Variants in THOC7 observed in about 807,000 individuals in gnomAD.
The protein encoded by THOC7 is THO complex subunit 7, also known as NIF3L1-binding protein 1.
THOC7 carries 22 observed loss-of-function variants against 33.1 expected under a neutral mutation model. That is an observed-to-expected ratio of 0.66 (90% CI 0.47 to 0.95). The LOEUF is 0.95. THOC7 is among the 40% of genes least tolerant of loss of function. THOC7 has a pLI of 0.00. For synonymous variants in THOC7, 77 were observed against 76.8 expected (o/e 1.00, Z -0.01); for missense variants, 184 against 245.3 (o/e 0.75, Z 1.67).
intron 1 of THOC7, among the ~76,000 whole-genome samples, chr3:63,857,253 CAT>C (rs1702132764): frequency 6.6e-6 from 1 of 152,116 alleles, no homozygotes; most frequent in Non-Finnish European, 1.5e-5. Context: ...AATTTACTGA[CAT>C]GTAGTACTTT....
chr3:63,837,819 A>G (rs1198547101), intron 4 of THOC7, among the ~76,000 whole-genome samples, 157 bp downstream of exon 4: 3 of 152,084 alleles, frequency 2.0e-5, no homozygotes, highest in Admixed American at 6.6e-5. Flanking sequence ...TTCCTTCTCT[A>G]TTTTAAAGAA....
At chr3:63,841,895 T>C (rs1472131917) in intron 1 of THOC7, among the ~76,000 whole-genome samples, 1 of 152,214 alleles carries the variant, frequency 6.6e-6, no homozygotes, top group Admixed American at 6.5e-5. Flanking sequence ...CCTTTGCTAG[T>C]CTTATCTGTG....
intron 1 of THOC7, among the ~76,000 whole-genome samples, chr3:63,861,309 T>C (rs1447460519): frequency 6.6e-6 from 1 of 152,118 alleles, no homozygotes; most frequent in African/African-American, 2.4e-5. Context: ...AGCCTGTTGC[T>C]CCTTTGGACA....
chr3:63,839,513 GA>G (rs1368013096), intron 2 of THOC7, 142 bp downstream of exon 2: 1 of 746,890 alleles, frequency 1.3e-6, no homozygotes, highest in Non-Finnish European at 2.3e-6. Flanking sequence ...AAAAGGCCAA[GA>G]AAATCTACTC....
chr3:63,837,306 A>G (rs1439239912), intron 4 of THOC7, among the ~76,000 whole-genome samples: 2 of 151,484 alleles, frequency 1.3e-5, no homozygotes, highest in African/African-American at 4.8e-5. Flanking sequence ...CTAGTTTTTC[A>G]TATCAATGTA....
chr3:63,836,431 T>C (rs530276753), intron 4 of THOC7, 73 bp from the exon 5 acceptor site: 1 of 1,379,426 alleles, frequency 7.2e-7, no homozygotes, highest in East Asian at 2.3e-5. Flanking sequence ...ATGTGTAATA[T>C]CACAAACCTC....
intron 1 of THOC7, chr3:63,848,687 T>C (rs987189221): frequency 1.3e-5 from 2 of 152,240 alleles, no homozygotes; most frequent in African/African-American, 2.4e-5. Context: ...TTTGTAAAAC[T>C]GCTAACCAAG....
intron 1 of THOC7, among the ~76,000 whole-genome samples, chr3:63,841,029 A>G (rs1701747102): frequency 6.6e-6 from 1 of 152,248 alleles, no homozygotes; most frequent in African/African-American, 2.4e-5. Context: ...AAACCTATTC[A>G]TCAGTAAGAA....
chr3:63,834,302 A>T, intron 7 of THOC7, 103 bp from the exon 8 acceptor site: 1 of 1,104,854 alleles, frequency 9.1e-7, no homozygotes, highest in South Asian at 1.4e-5. Flanking sequence ...CAATACAATT[A>T]AAGCTAAGAT....
At chr3:63,846,510 C>G (rs1701900669) in intron 1 of THOC7, among the ~76,000 whole-genome samples, 2 of 152,094 alleles carry the variant, frequency 1.3e-5, no homozygotes, top group Non-Finnish European at 2.9e-5. Context: ...TGGGTTCAAG[C>G]TATTCTCCTG....
At chr3:63,848,209 G>A (rs1462393861) in intron 1 of THOC7, among the ~76,000 whole-genome samples, 1 of 152,140 alleles carries the variant, frequency 6.6e-6, no homozygotes, top group Non-Finnish European at 1.5e-5. Flanking sequence ...CCTGATCCAG[G>A]AGAGATTAAG....
intron 1 of THOC7, among the ~76,000 whole-genome samples, chr3:63,852,748 A>C (rs552289946): frequency 6.6e-6 from 1 of 152,322 alleles, no homozygotes; most frequent in Non-Finnish European, 1.5e-5. Context: ...GGATGTACAA[A>C]CTGGATTGTA....
intron 1 of THOC7, among the ~76,000 whole-genome samples, chr3:63,856,889 T>C (rs1180127206): frequency 6.6e-6 from 1 of 152,132 alleles, no homozygotes; most frequent in Admixed American, 6.6e-5. Context: ...AGCTAATTCT[T>C]TTGTATTTTT....
chr3:63,853,165 A>G (rs979359389), intron 1 of THOC7, among the ~76,000 whole-genome samples: 13 of 151,630 alleles, frequency 8.6e-5, no homozygotes, highest in African/African-American at 2.7e-4. Flanking sequence ...AAGAAAAAAA[A>G]AAAAAAAAAA....
intron 1 of THOC7, chr3:63,848,544 A>C (rs1419573850): frequency 6.6e-6 from 1 of 152,206 alleles, no homozygotes; most frequent in Admixed American, 6.5e-5. Flanking sequence ...GCATAAAATC[A>C]GCTGTAATTC....
rs767026190 is a variant in THOC7 at position 63,835,132 on chromosome 3, C to T, written c.547+22G>A. On this transcript the variant is annotated intron_variant, in intron 7 of 7. Transcript: ENST00000295899. ...TTTAAAAAATCTTCATAAGCATTTACTTTGAGACTATTTCTACTTACTTTC... is the reference window on the plus strand; with the variant it reads ...TTTAAAAAATCTTCATAAGCATTTATTTTGAGACTATTTCTACTTACTTTC... 23 of 1,611,054 alleles carry T rather than the reference C, an allele frequency of 1.4e-5. No individual in the cohort carries two copies. In the South Asian group the frequency reaches 2.2e-4, roughly 15 times the overall value.
intron 1 of THOC7, among the ~76,000 whole-genome samples, chr3:63,849,331 C>T (rs1489482000): frequency 1.3e-5 from 2 of 152,066 alleles, no homozygotes; most frequent in African/African-American, 2.4e-5. Flanking sequence ...GAGGTTGCAG[C>T]GGGCCAAGAC....
At chr3:63,863,953 G>T (rs1447112601), upstream of THOC7, 3 of 83,824 alleles carry the variant, frequency 3.6e-5, no homozygotes, top group Non-Finnish European at 6.5e-5. Context: ...GCCGCGCCGC[G>T]CCGCCGCCGC....
intron 1 of THOC7, 151 bp downstream of exon 1, chr3:63,863,621 G>T: frequency 8.3e-7 from 1 of 1,199,400 alleles, no homozygotes; most frequent in Non-Finnish European, 1.0e-6. Flanking sequence ...GAGGCCCGGG[G>T]CTCCGGGGAG....
Sources: gnomAD v4.1 joint callset for allele counts (sites outside exome capture counted in the v4.1 genomes callset) on GRCh38, gnomAD v4.1.1 for gene constraint, MANE v1.5 for transcripts, NCBI Gene and HGNC (gene_info 2026-07-23, HGNC 2026-07-21) for gene names.